Variants in ABI3 observed in about 807,000 individuals in gnomAD.
ABI3 encodes the protein ABI family member 3, also known as ABI gene family member 3.
In ABI3, 24 loss-of-function variants were observed where a neutral mutation model predicts 37.0. That is an observed-to-expected ratio of 0.65 (90% CI 0.47 to 0.91). ABI3 has a LOEUF of 0.91. Ranked by LOEUF, ABI3 falls within the 40% of genes least tolerant of loss-of-function variation. The pLI is 0.00. For synonymous variants in ABI3, 220 were observed against 211.8 expected, an observed-to-expected ratio of 1.04 and a Z score of -0.34; for missense variants, 481 against 485.1, an observed-to-expected ratio of 0.99 and a Z score of 0.08.
chr17:49,216,543 C>A lies in ABI3; in HGVS notation c.130C>A (p.Arg44=). 6.3e-7 allele frequency: 1 copy of A among 1,585,518 alleles called. No individual in the cohort carries two copies. The highest frequency in any genetic ancestry group is 1.4e-5 in the African/African-American group (1 of 74,034). ...EDNYVQATDK[R]KALEETMAFT... is the part of the protein sequence containing the mutation. ...GTGTGTATTTCAGGCCACAGACAAG[C>A]GGAAGGCGCTGGAGGAGACCATGGC... is the stretch of plus-strand genomic sequence containing the variant. The change falls in exon 2 of 8, where the codon CGG becomes AGG. Residue 44 remains arginine, a synonymous_variant. Coordinates refer to ENST00000225941, the MANE Select transcript of ABI3 (RefSeq NM_016428.3).
intron 5 of ABI3, 76 bp downstream of exon 5, chr17:49,220,029 T>C (rs2043265601): frequency 1.3e-6 from 2 of 1,524,558 alleles, no homozygotes; most frequent in African/African-American, 1.4e-5. Context: ...CCAGTGGTCA[T>C]AGTGACTCCT....
Position 49,217,642 on chromosome 17 carries a change from TC to T in ABI3, c.286-88del, listed in dbSNP as rs113223751. ...CCCTCTTTTTCTAGACCTGGCTGCC[TC>T]CCCCCCCCAGCCCAGTCTTTATCTT... is the stretch of plus-strand genomic sequence containing the variant. On this transcript the variant is annotated intron_variant, in intron 2 of 7. Coordinates refer to ENST00000225941, the MANE Select transcript of ABI3 (RefSeq NM_016428.3). The T allele has an allele frequency of 4.4e-3, 4,902 of 1,105,060 alleles. 1 individual carries two copies. The highest frequency in any genetic ancestry group is 5.0e-3 in the Non-Finnish European group (3,978 of 803,174). 68.5% of individuals were successfully genotyped at this position (1,105,060 alleles called of 1,614,324 possible). A position where few individuals can be genotyped will look rare whatever the true frequency, so the allele number is the denominator to read the frequency against.
In ABI3 at chr17:49,210,834, A is replaced by G. The variant is rs2043158149; in HGVS notation, c.110A>G (p.Tyr37Cys). Residue 37 changes from tyrosine to cysteine, a missense_variant, in exon 1 of 8, where the codon TAT (tyrosine) becomes TGT (cysteine). By Grantham distance (194) the Tyr-to-Cys change is radical. Transcript: ENST00000225941. This position sits in a 1 kb window ranked among gnomAD's most constrained non-coding sequence, Gnocchi z 4.2. The stretch of plus-strand genomic sequence containing the variant: ...GTCGCTGACTACTGCGAGGACAACT[A>G]TGTGCAGGTAGGTAGAGCGGGCGGA... ...LRVADYCEDN[Y>C]VQATDKRKAL... The G allele has an allele frequency of 1.3e-6, 2 of 1,552,324 alleles. No individual in the cohort carries two copies. Among genetic ancestry groups the G allele is most frequent in the South Asian group, 1.2e-5 (1 of 84,424 alleles).
At chr17:49,214,434 C>T (rs1175056547) in intron 1 of ABI3, among the ~76,000 whole-genome samples, 2 of 152,160 alleles carry the variant, frequency 1.3e-5, no homozygotes, top group Non-Finnish European at 1.5e-5. Context: ...CTTGGCCAGG[C>T]GCAGTGGCTC....
chr17:49,217,655 C>A (rs575757578), intron 2 of ABI3, 84 bp from the exon 3 acceptor site: 10 of 1,345,432 alleles, frequency 7.4e-6, no homozygotes, highest in Middle Eastern at 1.9e-4. Context: ...CCCCCCCAGC[C>A]CAGTCTTTAT....
Position 49,222,241 on chromosome 17 carries a change from G to C in ABI3, c.937+16G>C, listed in dbSNP as rs567626679. 4 of 1,610,406 alleles carry C rather than the reference G, an allele frequency of 2.5e-6. No individual in the cohort carries two copies. Among genetic ancestry groups the C allele is most frequent in the Admixed American group, 1.7e-5 (1 of 59,598 alleles). On this transcript the variant is annotated intron_variant, in intron 7 of 7. Coordinates refer to ENST00000225941, the MANE Select transcript of ABI3 (RefSeq NM_016428.3). ...TTGGAGAAAGGTACCTGACTTCTGG[G>C]ACTGAGGGGCACCGGATCCCACTTC...
In ABI3 at chr17:49,221,457, CG is replaced by C. The variant is rs2043287198; in HGVS notation, c.803-633del. Among the ~76,000 whole-genome samples, 9 of 151,936 alleles carry C rather than the reference CG, an allele frequency of 5.9e-5. No individual in the cohort carries two copies. The South Asian group carries it at 1.7e-3, about 28-fold the overall frequency. ...CTGCAATCCAGCCTGGGCGACACAG[CG>C]AGACTCGGTCTCAAAAAAAAATAAA... On this transcript the variant is annotated intron_variant, in intron 6 of 7. Transcript: ENST00000225941.
Position 49,220,246 on chromosome 17 carries a change from TG to T in ABI3, c.724del (p.Asp242ThrfsTer73). On this transcript the variant is annotated frameshift_variant, in exon 6 of 8. Coordinates refer to ENST00000225941, the MANE Select transcript of ABI3 (RefSeq NM_016428.3). LOFTEE classifies it high-confidence loss of function. ...CCAGCCCCACCTCTCCCCAGCTCCTTGGACCCACCTCCTCCACCAGCAGCCG... is the reference window on the plus strand; with the variant it reads ...CCAGCCCCACCTCTCCCCAGCTCCTTGACCCACCTCCTCCACCAGCAGCCG... The part of the protein sequence containing the change: ...APPAPPLPSS[L>X]DPPPPPAAVE... 1 of 1,610,918 alleles carries T rather than the reference TG, an allele frequency of 6.2e-7. No individual in the cohort carries two copies. The highest frequency in any genetic ancestry group is 1.1e-5 in the South Asian group (1 of 90,544).
At chr17:49,211,288 G>C (rs1373436401) in intron 1 of ABI3, among the ~76,000 whole-genome samples, 1 of 152,194 alleles carries the variant, frequency 6.6e-6, no homozygotes, top group Admixed American at 6.5e-5. Context: ...CTCTTTCCCT[G>C]AGTTTGGGAA....
At chr17:49,220,684 A>T (rs2043275203) in intron 6 of ABI3, among the ~76,000 whole-genome samples, 1 of 151,796 alleles carries the variant, frequency 6.6e-6, no homozygotes, top group Non-Finnish European at 1.5e-5. Flanking sequence ...GTCTCTACTA[A>T]AAATACAAAA....
At chr17:49,213,770 G>T (rs868283876) in intron 1 of ABI3, among the ~76,000 whole-genome samples, 1 of 152,196 alleles carries the variant, frequency 6.6e-6, no homozygotes, top group African/African-American at 2.4e-5. Flanking sequence ...CCACATGTTC[G>T]TTTGGGGAGG....
rs1442240030 is a variant in ABI3, at chr17:49,210,849, G to C, written c.117+8G>C. 4 of 1,545,512 alleles carry C rather than the reference G, an allele frequency of 2.6e-6. No individual in the cohort carries two copies. In the Admixed American group the frequency reaches 5.8e-5, roughly 23 times the overall value. On this transcript the variant is annotated splice_region_variant and intron_variant, in intron 1 of 7. Coordinates refer to ENST00000225941, the MANE Select transcript of ABI3 (RefSeq NM_016428.3). This position sits in a 1 kb window ranked among gnomAD's most constrained non-coding sequence, Gnocchi z 4.2. ...GAGGACAACTATGTGCAGGTAGGTAGAGCGGGCGGAAGCCTGACACCCCAG... is the reference window on the plus strand; with the variant it reads ...GAGGACAACTATGTGCAGGTAGGTACAGCGGGCGGAAGCCTGACACCCCAG...
intron 2 of ABI3, among the ~76,000 whole-genome samples, chr17:49,216,901 T>C (rs533734606): frequency 6.6e-6 from 1 of 152,312 alleles, no homozygotes; most frequent in East Asian, 1.9e-4. Flanking sequence ...AAGGCAGAGC[T>C]TTTTCTTTCT....
At chr17:49,215,345 C>T (rs146604887) in intron 1 of ABI3, among the ~76,000 whole-genome samples, 12 of 152,120 alleles carry the variant, frequency 7.9e-5, no homozygotes, top group East Asian at 3.9e-4. Flanking sequence ...ACGTAGGCCA[C>T]GGTTAGAAGC....
At chr17:49,217,954 C>T in intron 3 of ABI3, 39 bp downstream of exon 3, 1 of 1,470,706 alleles carries the variant, frequency 6.8e-7, no homozygotes, top group Non-Finnish European at 9.0e-7. Flanking sequence ...CCAACCCACC[C>T]TCTCGTGCCT....
chr17:49,216,568 C>G lies in ABI3; in HGVS notation c.155C>G (p.Ala52Gly). ...DKRKALEETM[A>G]FTTQALASVA... ...CGGAAGGCGCTGGAGGAGACCATGGCCTTCACTACCCAGGCACTGGCCAGC... is the reference window on the plus strand; with the variant it reads ...CGGAAGGCGCTGGAGGAGACCATGGGCTTCACTACCCAGGCACTGGCCAGC... The change falls in exon 2 of 8, where the codon GCC becomes GGC. Residue 52 changes from alanine (A) to glycine (G), a missense_variant. Physicochemically the swap from Ala to Gly is moderately conservative, Grantham distance 60. Transcript: ENST00000225941. The G allele has an allele frequency of 6.2e-7, 1 of 1,608,468 alleles. No homozygotes were observed. The highest frequency in any genetic ancestry group is 1.7e-4 in the Middle Eastern group (1 of 6,018).
chr17:49,220,868 A>T (rs946598073), intron 6 of ABI3, among the ~76,000 whole-genome samples: 1 of 144,850 alleles, frequency 6.9e-6, no homozygotes, highest in Non-Finnish European at 1.5e-5. Context: ...TAATAATAAT[A>T]ATAATAATAA....
At chr17:49,222,326 C>G in intron 7 of ABI3, 101 bp downstream of exon 7, 1 of 1,472,896 alleles carries the variant, frequency 6.8e-7, no homozygotes, top group Non-Finnish European at 9.1e-7. Flanking sequence ...ATCCCCCGGG[C>G]CCCCCACACA....
At chr17:49,220,858 T>TAAG (rs1555617837) in intron 6 of ABI3, among the ~76,000 whole-genome samples, 12 of 74,412 alleles carry the variant, frequency 1.6e-4, no homozygotes, top group Non-Finnish European at 1.8e-4. Context: ...ATAATAATAA[T>TAAG]AATAATAATA....
Sources: allele counts gnomAD v4.1 joint callset (sites outside exome capture counted in the v4.1 genomes callset), GRCh38; gene constraint gnomAD v4.1.1; non-coding constraint Gnocchi (gnomAD v3.1); transcripts MANE v1.5; gene names NCBI Gene and HGNC (gene_info 2026-07-23, HGNC 2026-07-21).